The following DPP10 variants were observed in gnomAD, a reference collection of about 807,000 sequenced individuals.
DPP10 encodes inactive dipeptidyl peptidase 10.
DPP10 carries 33 observed loss-of-function variants against 120.9 expected under a neutral mutation model. The observed-to-expected ratio is 0.27, with a 90% CI of 0.21 to 0.37. The LOEUF is 0.37. Ranked by LOEUF, DPP10 falls within the 10% of genes least tolerant of loss-of-function variation. The probability of loss-of-function intolerance (pLI) is 1.00; values close to 1 mark genes in which losing one functional copy is unlikely to be tolerated. For synonymous variants in DPP10, 337 were observed against 326.1 expected, an observed-to-expected ratio of 1.03 and a Z score of -0.36; for missense variants, 816 against 942.8, an observed-to-expected ratio of 0.87 and a Z score of 1.76.
At chr2:115,239,962 A>G (rs370797469) in intron 1 of DPP10, among the ~76,000 whole-genome samples, 3 of 152,224 alleles carry the variant, frequency 2.0e-5, no homozygotes, top group Non-Finnish European at 2.9e-5. Flanking sequence ...ATAGTATTCC[A>G]TGGTGAATAT....
At chr2:114,521,487 A>T (rs1430102) in intron 1 of DPP10, among the ~76,000 whole-genome samples, 123,244 of 152,024 alleles carry the variant, frequency 0.81, 50,039 homozygotes, top group Admixed American at 0.87. Context: ...TAGATACAAT[A>T]TTATAGATAT....
chr2:114,554,456 G>T (rs1346547118), intron 1 of DPP10, among the ~76,000 whole-genome samples: 1 of 152,198 alleles, frequency 6.6e-6, no homozygotes, highest in Non-Finnish European at 1.5e-5. Flanking sequence ...AGTGTGATCA[G>T]ATGATGTATG....
At chr2:114,916,138 G>C (rs954295774) in intron 1 of DPP10, among the ~76,000 whole-genome samples, 13 of 152,104 alleles carry the variant, frequency 8.5e-5, no homozygotes, top group African/African-American at 3.1e-4. Flanking sequence ...ACATGACAAA[G>C]GTGACATTAC....
intron 1 of DPP10, among the ~76,000 whole-genome samples, chr2:114,699,949 A>C (rs970161109): frequency 6.6e-6 from 1 of 152,106 alleles, no homozygotes; most frequent in Non-Finnish European, 1.5e-5. Context: ...GTTGAAAGAC[A>C]TAGGAACTTT....
chr2:115,132,347 T>A (rs1212130720), intron 1 of DPP10, among the ~76,000 whole-genome samples: 1 of 152,140 alleles, frequency 6.6e-6, no homozygotes, highest in East Asian at 1.9e-4. Context: ...CTTTTCTAGA[T>A]CTGAAAAAGG....
At chr2:114,679,532 G>GAAA (rs951132438) in intron 1 of DPP10, among the ~76,000 whole-genome samples, 8 of 151,514 alleles carry the variant, frequency 5.3e-5, no homozygotes, top group Admixed American at 2.0e-4. Flanking sequence ...TAAGAAAGTA[G>GAAA]AAAAAAAATC....
At chr2:115,593,434 G>C (rs1223496971) in intron 5 of DPP10, among the ~76,000 whole-genome samples, 1 of 152,174 alleles carries the variant, frequency 6.6e-6, no homozygotes, top group South Asian at 2.1e-4. Context: ...CAGCAGGGAG[G>C]CATGAAGGTT....
chr2:115,164,481 C>A (rs1487164983), intron 1 of DPP10, among the ~76,000 whole-genome samples: 1 of 151,638 alleles, frequency 6.6e-6, no homozygotes, highest in Non-Finnish European at 1.5e-5. Context: ...TTAAAATGTA[C>A]CTTTATGAAA....
chr2:115,431,977 G>A (rs554047343), intron 3 of DPP10, among the ~76,000 whole-genome samples: 2 of 152,100 alleles, frequency 1.3e-5, no homozygotes, highest in Admixed American at 6.6e-5. Context: ...GCTTTCCAAG[G>A]GAAACGGGAA....
At chr2:115,176,983 A>T (rs1438508355) in intron 1 of DPP10, among the ~76,000 whole-genome samples, 1 of 152,180 alleles carries the variant, frequency 6.6e-6, no homozygotes, top group Non-Finnish European at 1.5e-5. Context: ...AATTTTAATC[A>T]TGTATAATTT....
intron 5 of DPP10, among the ~76,000 whole-genome samples, chr2:115,591,124 G>A (rs947933926): frequency 5.3e-5 from 8 of 152,188 alleles, no homozygotes; most frequent in Admixed American, 2.0e-4. Flanking sequence ...CACTCTGATG[G>A]TAGTTTCTTT....
rs541240556 is a variant in DPP10, at chr2:115,004,846, T to G, written c.61-304393T>G. Reference sequence around the variant, plus strand: ...AGGTAAACAAAGCAGCCGGGAAGCTTGAACTGGGTGGAGCCCACCACAGCT... The same window carrying G: ...AGGTAAACAAAGCAGCCGGGAAGCTGGAACTGGGTGGAGCCCACCACAGCT... On this transcript the variant is annotated intron_variant, in intron 1 of 25. Coordinates refer to ENST00000410059, the MANE Select transcript of DPP10 (RefSeq NM_020868.6). Among the ~76,000 whole-genome samples, 4 of 151,772 alleles carry G rather than the reference T, an allele frequency of 2.6e-5. No individual in the cohort carries two copies. The East Asian group carries it at 5.9e-4, about 22-fold the overall frequency.
At chr2:115,822,697 T>C (rs987123973) in intron 21 of DPP10, among the ~76,000 whole-genome samples, 1 of 152,010 alleles carries the variant, frequency 6.6e-6, no homozygotes, top group African/African-American at 2.4e-5. Context: ...TATGCTTTGG[T>C]GCTTTCTGTC....
At chr2:114,698,089 C>T (rs1040303718) in intron 1 of DPP10, among the ~76,000 whole-genome samples, 2 of 152,056 alleles carry the variant, frequency 1.3e-5, no homozygotes, top group Admixed American at 6.6e-5. Flanking sequence ...TTTTAGTGTA[C>T]AGATAGGTAC....
At chr2:114,492,472 A>G (rs1268176912) in intron 1 of DPP10, among the ~76,000 whole-genome samples, 1 of 152,188 alleles carries the variant, frequency 6.6e-6, no homozygotes, top group African/African-American at 2.4e-5. Flanking sequence ...AATAAAAGTA[A>G]GGACAAACTA....
chr2:114,735,560 C>T (rs1677345582), intron 1 of DPP10, among the ~76,000 whole-genome samples: 1 of 151,718 alleles, frequency 6.6e-6, no homozygotes, highest in Non-Finnish European at 1.5e-5. Flanking sequence ...CTTTCTTTTC[C>T]TTTTTTCTAA....
chr2:115,004,875 G>T (rs1262224686), intron 1 of DPP10, among the ~76,000 whole-genome samples: 3 of 152,186 alleles, frequency 2.0e-5, no homozygotes, highest in Non-Finnish European at 4.4e-5. Context: ...CACAGCTCAA[G>T]GAGGCCTGCC....
At chr2:115,045,823 G>A (rs1705020981) in intron 1 of DPP10, among the ~76,000 whole-genome samples, 1 of 152,162 alleles carries the variant, frequency 6.6e-6, no homozygotes, top group Non-Finnish European at 1.5e-5. Flanking sequence ...TGCTGTTGTG[G>A]AGTCGATCAC....
chr2:114,712,714 A>T (rs1701105433), intron 1 of DPP10, among the ~76,000 whole-genome samples: 1 of 151,816 alleles, frequency 6.6e-6, no homozygotes, highest in South Asian at 2.1e-4. Flanking sequence ...TATGAAATAG[A>T]TATACATCAG....
Sources: allele counts gnomAD v4.1 joint callset (sites outside exome capture counted in the v4.1 genomes callset), GRCh38; gene constraint gnomAD v4.1.1; transcripts MANE v1.5; gene names NCBI Gene and HGNC (gene_info 2026-07-23, HGNC 2026-07-21).